LRRC4C: variants seen among roughly 807,000 people sequenced by gnomAD.
LRRC4C encodes the protein leucine-rich repeat-containing protein 4C.
In LRRC4C, 5 loss-of-function variants were observed where a neutral mutation model predicts 33.6. The observed-to-expected ratio is 0.15, with a 90% CI of 0.08 to 0.31. The LOEUF (loss-of-function observed/expected upper bound fraction) is 0.31. LRRC4C is among the 10% of genes least tolerant of loss of function. LRRC4C has a pLI of 1.00. For synonymous variants in LRRC4C, 329 were observed against 302.0 expected, an observed-to-expected ratio of 1.09 and a Z score of -0.93; for missense variants, 560 against 796.7, an observed-to-expected ratio of 0.70 and a Z score of 3.58.
At chr11:40,941,470 CTG>C (rs1958141997) in intron 1 of LRRC4C, among the ~76,000 whole-genome samples, 1 of 152,120 alleles carries the variant, frequency 6.6e-6, no homozygotes, top group South Asian at 2.1e-4. Context: ...GAGGTATTCA[CTG>C]AGATTTCAAG....
rs189830750 is a variant in LRRC4C, at chr11:41,055,202, T to C, written c.-495-121479A>G. 2.4e-3 allele frequency among the ~76,000 whole-genome samples: 373 copies of C among 152,296 alleles called. 3 individuals are homozygous for C. Among genetic ancestry groups the C allele is most frequent in the African/African-American group, 8.5e-3 (355 of 41,570 alleles). On this transcript the variant is annotated intron_variant, in intron 1 of 6. Transcript: ENST00000528697. ...TGAATGAATCCCATTTTATCTACTCTTGTGGTGTCTGGTTCTTTCTTTAGT... is the reference window on the plus strand; with the variant it reads ...TGAATGAATCCCATTTTATCTACTCCTGTGGTGTCTGGTTCTTTCTTTAGT...
At chr11:41,425,659 T>C (rs1955014012) in intron 1 of LRRC4C, among the ~76,000 whole-genome samples, 1 of 152,140 alleles carries the variant, frequency 6.6e-6, no homozygotes, top group Non-Finnish European at 1.5e-5. Context: ...CTTGAAATAA[T>C]AGCAATACTT....
intron 2 of LRRC4C, among the ~76,000 whole-genome samples, chr11:40,775,326 C>A (rs1001569988): frequency 6.6e-6 from 1 of 151,840 alleles, no homozygotes; most frequent in African/African-American, 2.4e-5. Flanking sequence ...AGGGGAATGG[C>A]GTGAACCCGG....
chr11:40,269,631 C>A (rs1030052209), intron 4 of LRRC4C, among the ~76,000 whole-genome samples: 10 of 152,068 alleles, frequency 6.6e-5, no homozygotes, highest in Non-Finnish European at 2.9e-5. Flanking sequence ...TCCACTTTTT[C>A]TTTCTTCTCA....
intron 2 of LRRC4C, among the ~76,000 whole-genome samples, chr11:40,730,009 A>T (rs1387282959): frequency 2.0e-5 from 3 of 152,128 alleles, no homozygotes; most frequent in Non-Finnish European, 4.4e-5. Flanking sequence ...ACAAGAACAA[A>T]AAACCAAACA....
chr11:40,631,874 A>G (rs915660893), intron 3 of LRRC4C, among the ~76,000 whole-genome samples: 1 of 152,222 alleles, frequency 6.6e-6, no homozygotes, highest in African/African-American at 2.4e-5. Context: ...ATTGGCAGAT[A>G]TTATTATAAT....
chr11:40,307,154 C>A lies in LRRC4C; in HGVS notation c.-176+12474G>T, dbSNP rs1029284190. ...CAGTAGCATCCTCTCTTCCCCACTCCACCTCCTCACCCCCCATTATGACAA... is the reference window on the plus strand; with the variant it reads ...CAGTAGCATCCTCTCTTCCCCACTCAACCTCCTCACCCCCCATTATGACAA... On this transcript the variant is annotated intron_variant, in intron 4 of 6. Coordinates refer to ENST00000528697, the MANE Select transcript of LRRC4C (RefSeq NM_001258419.2). Among the ~76,000 whole-genome samples, 3 of 152,016 alleles carry A rather than the reference C, an allele frequency of 2.0e-5. No homozygotes were observed. The South Asian group carries it at 6.2e-4, about 32-fold the overall frequency.
intron 1 of LRRC4C, among the ~76,000 whole-genome samples, chr11:41,452,717 C>G (rs115984733): frequency 6.6e-6 from 1 of 152,034 alleles, no homozygotes; most frequent in Admixed American, 6.6e-5. Flanking sequence ...ATGTCCCCCA[C>G]TGACATCAAT....
intron 5 of LRRC4C, among the ~76,000 whole-genome samples, chr11:40,169,447 A>T (rs1332870077): frequency 3.3e-5 from 5 of 152,188 alleles, no homozygotes; most frequent in Admixed American, 2.0e-4. Context: ...AGAGTGAGTC[A>T]ATCTCAGGGT....
chr11:40,983,067 T>C (rs1053788307), intron 1 of LRRC4C, among the ~76,000 whole-genome samples: 5 of 152,196 alleles, frequency 3.3e-5, no homozygotes, highest in African/African-American at 1.2e-4. Flanking sequence ...CTTTATCCAG[T>C]CTATTATTAG....
intron 1 of LRRC4C, among the ~76,000 whole-genome samples, chr11:41,363,916 T>C (rs1171072530): frequency 2.6e-5 from 4 of 152,090 alleles, no homozygotes; most frequent in African/African-American, 9.7e-5. Flanking sequence ...TCTCAATTAA[T>C]CTCAAAGACA....
At chr11:40,547,057 G>T (rs1035384099) in intron 3 of LRRC4C, among the ~76,000 whole-genome samples, 1 of 152,122 alleles carries the variant, frequency 6.6e-6, no homozygotes, top group Non-Finnish European at 1.5e-5. Flanking sequence ...CAGCCTTAAC[G>T]TAGTGTTCTT....
At chr11:40,513,856 T>C (rs1411344851) in intron 3 of LRRC4C, among the ~76,000 whole-genome samples, 1 of 152,154 alleles carries the variant, frequency 6.6e-6, no homozygotes, top group Non-Finnish European at 1.5e-5. Context: ...ATAAAAGTGA[T>C]TCTGGATTCA....
At chr11:40,535,789 A>T (rs539649954) in intron 3 of LRRC4C, among the ~76,000 whole-genome samples, 1 of 152,342 alleles carries the variant, frequency 6.6e-6, no homozygotes, top group South Asian at 2.1e-4. Flanking sequence ...GATAAGGTGA[A>T]ATATGTCTTA....
At chr11:40,858,680 G>T (rs1565141625) in intron 2 of LRRC4C, among the ~76,000 whole-genome samples, 1 of 127,780 alleles carries the variant, frequency 7.8e-6, no homozygotes, top group Non-Finnish European at 1.6e-5. Flanking sequence ...GTAACAGAGT[G>T]AGACTCCTTC....
chr11:40,451,315 A>G (rs1357238903), intron 3 of LRRC4C, among the ~76,000 whole-genome samples: 2 of 151,096 alleles, frequency 1.3e-5, no homozygotes, highest in African/African-American at 4.9e-5. Context: ...TCAAATTACC[A>G]AAATCAGGAA....
intron 1 of LRRC4C, among the ~76,000 whole-genome samples, chr11:41,180,860 T>C (rs1056398503): frequency 2.0e-5 from 3 of 151,888 alleles, no homozygotes; most frequent in Non-Finnish European, 4.4e-5. Context: ...AAAAATGTGG[T>C]ACAAAATGAC....
intron 3 of LRRC4C, among the ~76,000 whole-genome samples, chr11:40,391,745 T>C (rs1422237657): frequency 6.6e-6 from 1 of 152,052 alleles, no homozygotes; most frequent in African/African-American, 2.4e-5. Context: ...AACCACACAC[T>C]GCATATTAGC....
In LRRC4C at chr11:41,127,422, T is replaced by C. The variant is rs191867804; in HGVS notation, c.-495-193699A>G. ...CAAACGAAAGAATATGGAAGTATTATGTTATAATTCATAGTTAAAATAAAG... is the reference window on the plus strand; with the variant it reads ...CAAACGAAAGAATATGGAAGTATTACGTTATAATTCATAGTTAAAATAAAG... On this transcript the variant is annotated intron_variant, in intron 1 of 6. Coordinates refer to ENST00000528697, the MANE Select transcript of LRRC4C (RefSeq NM_001258419.2). Among the ~76,000 whole-genome samples the C allele has an allele frequency of 3.1e-3, 466 of 152,202 alleles. 6 individuals carry two copies. Among genetic ancestry groups the C allele is most frequent in the Non-Finnish European group, 2.2e-3 (147 of 68,000 alleles).
Sources: gnomAD v4.1 joint callset for allele counts (sites outside exome capture counted in the v4.1 genomes callset) on GRCh38, gnomAD v4.1.1 for gene constraint, MANE v1.5 for transcripts, NCBI Gene and HGNC (gene_info 2026-07-23, HGNC 2026-07-21) for gene names.